The following TMCC1 variants were observed in gnomAD, a reference collection of about 807,000 sequenced individuals.
TMCC1 encodes the protein transmembrane and coiled-coil domains protein 1.
TMCC1 carries 15 observed loss-of-function variants against 52.4 expected under a neutral mutation model. That is an observed-to-expected ratio of 0.29 (90% CI 0.19 to 0.44). The LOEUF is 0.44. Ranked by LOEUF, TMCC1 falls within the 20% of genes least tolerant of loss-of-function variation. The pLI, the probability that TMCC1 is intolerant of heterozygous loss-of-function variation, is 1.00. For synonymous variants in TMCC1, 279 were observed against 301.9 expected (o/e 0.92, Z 0.79); for missense variants, 503 against 806.0 (o/e 0.62, Z 4.55).
chr3:129,809,727 A>G (rs2057693550), intron 4 of TMCC1, among the ~76,000 whole-genome samples: 1 of 152,230 alleles, frequency 6.6e-6, no homozygotes, highest in African/African-American at 2.4e-5. Context: ...GAAATCCTGC[A>G]AAAAAGAATA....
intron 1 of TMCC1, among the ~76,000 whole-genome samples, chr3:129,887,468 G>T (rs1220585875): frequency 6.6e-6 from 1 of 151,148 alleles, no homozygotes; most frequent in Non-Finnish European, 1.5e-5. Flanking sequence ...CTTGAACCCG[G>T]GAGGTGGAGG....
intron 2 of TMCC1, among the ~76,000 whole-genome samples, chr3:129,859,453 A>G (rs1343324723): frequency 6.6e-6 from 1 of 152,054 alleles, no homozygotes; most frequent in South Asian, 2.1e-4. Context: ...CCTGGGCAAC[A>G]TAGCAAGACC....
At chr3:129,813,973 T>G (rs1214107860) in intron 4 of TMCC1, among the ~76,000 whole-genome samples, 1 of 138,160 alleles carries the variant, frequency 7.2e-6, no homozygotes, top group East Asian at 2.3e-4. Flanking sequence ...TGTCCTTAAG[T>G]TCTTTTTCCT....
intron 4 of TMCC1, among the ~76,000 whole-genome samples, chr3:129,698,314 A>C (rs1237622030): frequency 6.6e-6 from 1 of 152,068 alleles, no homozygotes; most frequent in African/African-American, 2.4e-5. Context: ...AAACCATCAG[A>C]TCTCATGAGA....
chr3:129,662,803 T>C (rs1008596274), intron 5 of TMCC1, among the ~76,000 whole-genome samples: 4 of 152,200 alleles, frequency 2.6e-5, no homozygotes, highest in Non-Finnish European at 5.9e-5. Context: ...ATTAATAATC[T>C]TATTTTAAGG....
intron 4 of TMCC1, among the ~76,000 whole-genome samples, chr3:129,733,784 A>G (rs2050727568): frequency 6.6e-6 from 1 of 152,192 alleles, no homozygotes; most frequent in Non-Finnish European, 1.5e-5. Context: ...CCTGAATTAA[A>G]ATATCTAGGA....
intron 2 of TMCC1, among the ~76,000 whole-genome samples, chr3:129,854,159 A>G (rs2060041060): frequency 6.6e-6 from 1 of 152,068 alleles, no homozygotes; most frequent in Admixed American, 6.6e-5. Context: ...TGGGAGGCTG[A>G]GGTAGGTGGA....
intron 4 of TMCC1, among the ~76,000 whole-genome samples, chr3:129,820,777 CAG>C (rs2058377207): frequency 1.3e-5 from 2 of 152,108 alleles, no homozygotes; most frequent in Non-Finnish European, 1.5e-5. Flanking sequence ...AAAAAAACAA[CAG>C]AATTAAAAAC....
At chr3:129,678,662 ATTGT>A (rs2108910855) in intron 4 of TMCC1, among the ~76,000 whole-genome samples, 1 of 152,050 alleles carries the variant, frequency 6.6e-6, no homozygotes, top group Admixed American at 6.6e-5. Context: ...GCCCGGCCTC[ATTGT>A]TTAATTCTTT....
intron 4 of TMCC1, among the ~76,000 whole-genome samples, chr3:129,775,164 G>C (rs1040710918): frequency 2.6e-5 from 4 of 152,128 alleles, no homozygotes; most frequent in Non-Finnish European, 5.9e-5. Context: ...GAAATTGAAG[G>C]CTGGGTGTGG....
At chr3:129,745,856 C>G (rs553055629) in intron 4 of TMCC1, among the ~76,000 whole-genome samples, 1 of 151,676 alleles carries the variant, frequency 6.6e-6, no homozygotes, top group Non-Finnish European at 1.5e-5. Flanking sequence ...CCCAGCTACT[C>G]GGGAGCCGAG....
At chr3:129,766,238 AG>A (rs1206611404) in intron 4 of TMCC1, among the ~76,000 whole-genome samples, 1 of 152,204 alleles carries the variant, frequency 6.6e-6, no homozygotes, top group Non-Finnish European at 1.5e-5. Flanking sequence ...ATTGTTTAGT[AG>A]GCCTGAGAGA....
chr3:129,771,539 C>T (rs190951036), intron 4 of TMCC1, among the ~76,000 whole-genome samples: 156 of 151,896 alleles, frequency 1.0e-3, no homozygotes, highest in African/African-American at 3.5e-3. Flanking sequence ...CCCTGGGAGG[C>T]GGAGGTAGGT....
intron 6 of TMCC1, among the ~76,000 whole-genome samples, chr3:129,654,664 A>C (rs1232435765): frequency 6.6e-6 from 1 of 152,220 alleles, no homozygotes; most frequent in Non-Finnish European, 1.5e-5. Context: ...AAAATGGCCC[A>C]AATACTTGTC....
intron 1 of TMCC1, among the ~76,000 whole-genome samples, chr3:129,886,654 G>A (rs992214493): frequency 6.6e-6 from 1 of 151,810 alleles, no homozygotes; most frequent in Non-Finnish European, 1.5e-5. Flanking sequence ...AAAACAAAAG[G>A]GCAAGCCGGG....
rs149555388 is a variant in TMCC1, at chr3:129,813,686, A to T, written c.576+14117T>A. Reference sequence around the variant, plus strand: ...GAGGGTGAGGATCGAAAAACTACCTATTGGGTACTATGCTTATTACCTGGG... The same window carrying T: ...GAGGGTGAGGATCGAAAAACTACCTTTTGGGTACTATGCTTATTACCTGGG... On this transcript the variant is annotated intron_variant, in intron 4 of 6. Coordinates refer to ENST00000393238, the MANE Select transcript of TMCC1 (RefSeq NM_001017395.5). 2.6e-3 allele frequency among the ~76,000 whole-genome samples: 394 copies of T among 152,112 alleles called. 1 individual carries two copies. Among genetic ancestry groups the T allele is most frequent in the Non-Finnish European group, 4.7e-3 (317 of 67,976 alleles).
intron 4 of TMCC1, among the ~76,000 whole-genome samples, chr3:129,790,570 T>C: frequency 6.6e-6 from 1 of 152,208 alleles, no homozygotes; most frequent in East Asian, 1.9e-4. Context: ...CCCTTTATCA[T>C]ACTTTAGAAA....
At chr3:129,723,352 ATCTTTT>A (rs2049785376) in intron 4 of TMCC1, among the ~76,000 whole-genome samples, 2 of 142,238 alleles carry the variant, frequency 1.4e-5, no homozygotes, top group Non-Finnish European at 3.0e-5. Flanking sequence ...GCACTAAGAA[ATCTTTT>A]TCTTTTTTTT....
chr3:129,774,048 A>T (rs2054826320), intron 4 of TMCC1, among the ~76,000 whole-genome samples: 1 of 152,258 alleles, frequency 6.6e-6, no homozygotes, highest in Non-Finnish European at 1.5e-5. Flanking sequence ...ACATAACAGT[A>T]ATGAGCATAC....
Sources: allele counts gnomAD v4.1 joint callset (sites outside exome capture counted in the v4.1 genomes callset), GRCh38; gene constraint gnomAD v4.1.1; transcripts MANE v1.5; gene names NCBI Gene and HGNC (gene_info 2026-07-23, HGNC 2026-07-21).